Variants in SH3GL2 observed in about 807,000 individuals in gnomAD.
The protein encoded by SH3GL2 is SH3 domain containing GRB2 like 2, endophilin A1, also known as endophilin-A1.
SH3GL2 carries 24 observed loss-of-function variants against 46.0 expected under a neutral mutation model. The observed-to-expected ratio is 0.52, with a 90% confidence interval of 0.38 to 0.73. SH3GL2 has a LOEUF of 0.73. Among genes scored for constraint, SH3GL2 ranks in the 30% least tolerant of loss-of-function variants. SH3GL2 has a pLI of 0.00. For missense variants in SH3GL2, 413 were observed against 424.2 expected, an observed-to-expected ratio of 0.97 and a Z score of 0.23; for synonymous variants, 196 against 147.1, an observed-to-expected ratio of 1.33 and a Z score of -2.40.
intron 1 of SH3GL2, among the ~76,000 whole-genome samples, chr9:17,675,813 C>T (rs984116446): frequency 3.9e-5 from 6 of 152,076 alleles, no homozygotes; most frequent in Non-Finnish European, 5.9e-5. Flanking sequence ...GGTGTGGTGG[C>T]GGGTGCCTGT....
chr9:17,665,683 C>G (rs935928431), intron 1 of SH3GL2, among the ~76,000 whole-genome samples: 2 of 151,754 alleles, frequency 1.3e-5, no homozygotes, highest in Admixed American at 6.6e-5. Flanking sequence ...TCATCTTGTA[C>G]TTTTTCTGCT....
chr9:17,637,388 T>A (rs895155142), intron 1 of SH3GL2, among the ~76,000 whole-genome samples: 1 of 152,216 alleles, frequency 6.6e-6, no homozygotes, highest in East Asian at 1.9e-4. Context: ...GGACATTGAA[T>A]TCCCATAAAC....
chr9:17,618,793 T>TTGTGTGTGTGTGTGTGTG (rs149930816), intron 1 of SH3GL2, among the ~76,000 whole-genome samples: 1 of 149,484 alleles, frequency 6.7e-6, no homozygotes, highest in Admixed American at 6.7e-5. Context: ...TTGGCTTATT[T>TTGTGTGTGTGTGTGTGTG]TGTGTGTGTG....
At chr9:17,647,537 G>A (rs919374983) in intron 1 of SH3GL2, among the ~76,000 whole-genome samples, 2 of 152,128 alleles carry the variant, frequency 1.3e-5, no homozygotes, top group African/African-American at 4.8e-5. Flanking sequence ...TCTTAAGTCT[G>A]TAACATACAA....
At position 17,795,603 on chromosome 9, in the gene SH3GL2, G is replaced by A; in HGVS notation, c.919G>A (p.Gly307Arg). ...GTACGACTTTGAACCTGAAAATGAA[G>A]GGGAGTTGGGATTTAAAGAGGGCGA... ...ALYDFEPENE[G>R]ELGFKEGDII... Residue 307 changes from glycine (G) to arginine (R), a missense_variant, in exon 9 of 9, where the codon GGG becomes AGG. Gly to Arg is a moderately radical substitution (Grantham distance 125). Coordinates refer to ENST00000380607, the MANE Select transcript of SH3GL2 (RefSeq NM_003026.5). The A allele has an allele frequency of 6.2e-7, 1 of 1,614,068 alleles. No individual in the cohort carries two copies. Among genetic ancestry groups the A allele is most frequent in the Non-Finnish European group, 8.5e-7 (1 of 1,179,964 alleles).
intron 1 of SH3GL2, among the ~76,000 whole-genome samples, chr9:17,729,375 A>G (rs1731458071): frequency 1.3e-5 from 2 of 152,036 alleles, no homozygotes; most frequent in Non-Finnish European, 2.9e-5. Flanking sequence ...CCTTTGTCAG[A>G]TGGATAGATT....
intron 1 of SH3GL2, among the ~76,000 whole-genome samples, chr9:17,684,255 G>A (rs944734068): frequency 3.3e-5 from 5 of 152,084 alleles, no homozygotes; most frequent in African/African-American, 4.8e-5. Context: ...ACAAAAAAGA[G>A]TGAAATGAAA....
chr9:17,703,409 C>T (rs1821385042), intron 1 of SH3GL2, among the ~76,000 whole-genome samples: 1 of 151,680 alleles, frequency 6.6e-6, no homozygotes, highest in African/African-American at 2.4e-5. Context: ...GTTTCATTTC[C>T]AAAAGTTGAG....
At chr9:17,670,713 C>G (rs1820454152) in intron 1 of SH3GL2, among the ~76,000 whole-genome samples, 1 of 152,124 alleles carries the variant, frequency 6.6e-6, no homozygotes, top group Non-Finnish European at 1.5e-5. Context: ...TTGCTTGCAC[C>G]TTTTCTGAAT....
At chr9:17,790,886 G>A (rs1299191575) in intron 6 of SH3GL2, among the ~76,000 whole-genome samples, 1 of 152,128 alleles carries the variant, frequency 6.6e-6, no homozygotes, top group Non-Finnish European at 1.5e-5. Flanking sequence ...CCTTTGGCCA[G>A]TGTACCTTCT....
chr9:17,746,323 G>A (rs1231513437), intron 1 of SH3GL2, among the ~76,000 whole-genome samples: 16 of 152,084 alleles, frequency 1.1e-4, no homozygotes, highest in East Asian at 9.7e-4. Context: ...TGATCCACCC[G>A]CCTCGGCCTC....
At chr9:17,609,548 C>T (rs1426271053) in intron 1 of SH3GL2, among the ~76,000 whole-genome samples, 1 of 152,038 alleles carries the variant, frequency 6.6e-6, no homozygotes, top group African/African-American at 2.4e-5. Context: ...AGAAAGTGAG[C>T]CCAGTATGGC....
At chr9:17,771,449 C>T (rs1281966787) in intron 3 of SH3GL2, among the ~76,000 whole-genome samples, 1 of 152,160 alleles carries the variant, frequency 6.6e-6, no homozygotes, top group African/African-American at 2.4e-5. Flanking sequence ...GCAGTTCCTC[C>T]CTGGGCAAGG....
intron 1 of SH3GL2, among the ~76,000 whole-genome samples, chr9:17,731,490 C>T (rs1822181795): frequency 6.6e-6 from 1 of 151,874 alleles, no homozygotes; most frequent in South Asian, 2.1e-4. Context: ...TCTCTCTCCA[C>T]ACAACCACAG....
At chr9:17,666,576 GTGTA>G (rs1554636879) in intron 1 of SH3GL2, among the ~76,000 whole-genome samples, 18 of 100,510 alleles carry the variant, frequency 1.8e-4, no homozygotes, top group African/African-American at 3.8e-4. Context: ...GTGTGTGTGT[GTGTA>G]TATACATTAA....
At chr9:17,711,163 ACTC>A (rs2118271488) in intron 1 of SH3GL2, among the ~76,000 whole-genome samples, 1 of 151,862 alleles carries the variant, frequency 6.6e-6, no homozygotes, top group East Asian at 1.9e-4. Flanking sequence ...TGACACAGTA[ACTC>A]CTCAGTAAAT....
intron 5 of SH3GL2, among the ~76,000 whole-genome samples, chr9:17,788,010 G>T (rs946267428): frequency 6.6e-6 from 1 of 152,170 alleles, no homozygotes; most frequent in African/African-American, 2.4e-5. Context: ...GATTGAGGAA[G>T]AATACCAACT....
intron 1 of SH3GL2, among the ~76,000 whole-genome samples, chr9:17,582,795 C>G (rs1263707307): frequency 2.6e-5 from 4 of 152,222 alleles, no homozygotes; most frequent in African/African-American, 9.6e-5. Context: ...GAGACAGGAT[C>G]TATTCGAGGC....
intron 1 of SH3GL2, among the ~76,000 whole-genome samples, chr9:17,627,128 TG>T (rs1203042520): frequency 2.0e-5 from 3 of 152,332 alleles, no homozygotes; most frequent in Middle Eastern, 6.8e-3. Flanking sequence ...CGGTAAAAAC[TG>T]CCAGATTCCA....
Sources: gnomAD v4.1 joint callset for allele counts (sites outside exome capture counted in the v4.1 genomes callset) on GRCh38, gnomAD v4.1.1 for gene constraint, MANE v1.5 for transcripts, NCBI Gene and HGNC (gene_info 2026-07-23, HGNC 2026-07-21) for gene names.